The following CPED1 variants were observed in gnomAD, a reference collection of about 807,000 sequenced individuals.
CPED1 encodes cadherin-like and PC-esterase domain-containing protein 1.
A neutral mutation model predicts 128.2 loss-of-function variants in CPED1; 114 were observed. That is an observed-to-expected ratio of 0.89 (90% CI 0.76 to 1.04). The LOEUF is 1.04. Ranked by LOEUF, CPED1 falls within the 50% of genes least tolerant of loss-of-function variation. The probability of loss-of-function intolerance (pLI) is 0.00; values close to 1 mark genes in which losing one functional copy is unlikely to be tolerated. For missense variants in CPED1, 1,211 were observed against 1,207.1 expected (o/e 1.00, Z -0.05); for synonymous variants, 462 against 426.7 (o/e 1.08, Z -1.02).
At chr7:121,115,241 C>T (rs1163353489) in intron 7 of CPED1, among the ~76,000 whole-genome samples, 2 of 152,072 alleles carry the variant, frequency 1.3e-5, no homozygotes, top group South Asian at 2.1e-4. Context: ...TTAAATTATG[C>T]ATAATTAAGC....
intron 16 of CPED1, among the ~76,000 whole-genome samples, chr7:121,210,527 CAT>C (rs1347899190): frequency 6.6e-6 from 1 of 151,960 alleles, no homozygotes; most frequent in African/African-American, 2.4e-5. Flanking sequence ...AAATGGAAGA[CAT>C]TATGCAAAAT....
Position 121,055,417 on chromosome 7 carries a change from T to C in CPED1, c.540+8424T>C, listed in dbSNP as rs555716895. On this transcript the variant is annotated intron_variant, in intron 4 of 22. Transcript: ENST00000310396. ...GTTACTTTACAGTAAATTAATTTTT[T>C]AATCTTTCTGTAAGCATATCATTTA... 1.3e-4 allele frequency among the ~76,000 whole-genome samples: 20 copies of C among 152,082 alleles called. No homozygotes were observed. In the South Asian group the frequency reaches 4.1e-3, roughly 31 times the overall value.
At chr7:121,093,144 A>G (rs1794612118) in intron 5 of CPED1, among the ~76,000 whole-genome samples, 1 of 152,036 alleles carries the variant, frequency 6.6e-6, no homozygotes, top group Non-Finnish European at 1.5e-5. Flanking sequence ...ATTTCTACCT[A>G]CTGACATTCT....
chr7:121,294,027 T>C lies in CPED1; in HGVS notation c.2869-1413T>C, dbSNP rs138196610. Among the ~76,000 whole-genome samples the C allele has an allele frequency of 2.1e-3, 323 of 152,158 alleles. 1 individual carries two copies. Among genetic ancestry groups the C allele is most frequent in the African/African-American group, 7.4e-3 (309 of 41,498 alleles). Reference sequence around the variant, plus strand: ...ACATCCTTACCAGTACTTTTTCTCCTTCCCTTCCTCTCTTTTTCTACTTCC... The same window carrying C: ...ACATCCTTACCAGTACTTTTTCTCCCTCCCTTCCTCTCTTTTTCTACTTCC... On this transcript the variant is annotated intron_variant, in intron 22 of 22. Transcript: ENST00000310396.
chr7:121,108,876 TAA>T (rs112898694), intron 7 of CPED1, among the ~76,000 whole-genome samples: 50 of 152,160 alleles, frequency 3.3e-4, no homozygotes, highest in African/African-American at 1.1e-3. Context: ...GCCCAAAAAT[TAA>T]GACCTAAACT....
At chr7:121,166,699 T>C (rs1394837022) in intron 16 of CPED1, among the ~76,000 whole-genome samples, 1 of 152,190 alleles carries the variant, frequency 6.6e-6, no homozygotes, top group Non-Finnish European at 1.5e-5. Flanking sequence ...TTTGGAGTAA[T>C]GCTGTTTTTC....
chr7:121,250,178 T>C (rs1214190885), intron 18 of CPED1, among the ~76,000 whole-genome samples: 2 of 151,998 alleles, frequency 1.3e-5, no homozygotes, highest in African/African-American at 2.4e-5. Flanking sequence ...CACTCAAAAC[T>C]GCTCAACTAC....
chr7:121,028,462 C>T (rs111387912), intron 3 of CPED1, among the ~76,000 whole-genome samples: 2 of 152,264 alleles, frequency 1.3e-5, no homozygotes, highest in Admixed American at 1.3e-4. Context: ...ACGCTGAACC[C>T]ATTAATTATG....
chr7:121,125,942 C>G lies in CPED1; in HGVS notation c.1134+50C>G, dbSNP rs1328704150. The G allele has an allele frequency of 5.5e-6, 7 of 1,271,466 alleles. No individual in the cohort carries two copies. In the South Asian group the frequency reaches 8.4e-5, roughly 15 times the overall value. 78.8% of individuals were successfully genotyped at this position (1,271,466 alleles called of 1,614,324 possible). Reference sequence around the variant, plus strand: ...GAGCTTCTACCTTGTGGTGAGAGATCAGTGTGTGTGTGTTGTTGTTGTTGT... The same window carrying G: ...GAGCTTCTACCTTGTGGTGAGAGATGAGTGTGTGTGTGTTGTTGTTGTTGT... On this transcript the variant is annotated intron_variant, in intron 9 of 22. Transcript: ENST00000310396.
chr7:121,136,025 TC>T lies in CPED1; in HGVS notation c.1649-14del, dbSNP rs1261448067. The T allele has an allele frequency of 2.7e-6, 4 of 1,490,576 alleles. No homozygotes were observed. The highest frequency in any genetic ancestry group is 1.3e-5 in the South Asian group (1 of 76,520). The allele number at this position is 1,490,576 out of a possible 1,614,324, so 92.3% of individuals were successfully genotyped here. On this transcript the variant is annotated splice_polypyrimidine_tract_variant and intron_variant, in intron 13 of 22. Coordinates refer to ENST00000310396, the MANE Select transcript of CPED1 (RefSeq NM_024913.5). ...ATGGTTTTTATTTTAAATTTACATTTCTTTTTTTTTTTAGCTGCAGTTCCAC... is the reference window on the plus strand; with the variant it reads ...ATGGTTTTTATTTTAAATTTACATTTTTTTTTTTTTTAGCTGCAGTTCCAC...
chr7:121,261,687 T>G lies in CPED1; in HGVS notation c.2311-4540T>G, dbSNP rs892353306. ...AGCCGTAATTGAAGACACAATCCAG[T>G]CATCCTGGGACCCTAAATGACCTCC... On this transcript the variant is annotated intron_variant, in intron 18 of 22. Transcript: ENST00000310396. The G allele has an allele frequency of 2.5e-6, 4 of 1,610,226 alleles. No homozygotes were observed. The African/African-American group carries it at 5.3e-5, about 22-fold the overall frequency.
At chr7:121,050,715 C>G (rs531075068) in intron 4 of CPED1, 12 of 427,844 alleles carry the variant, frequency 2.8e-5, no homozygotes, top group African/African-American at 2.4e-4. Context: ...TCCACCGCCT[C>G]GGCCTCCCAA....
At chr7:121,118,386 C>A (rs540620279) in intron 7 of CPED1, among the ~76,000 whole-genome samples, 3 of 151,906 alleles carry the variant, frequency 2.0e-5, no homozygotes, top group South Asian at 4.2e-4. Flanking sequence ...CATGGTGAAA[C>A]CTGTCTCTAC....
At chr7:121,122,111 T>C (rs1795404846) in intron 7 of CPED1, among the ~76,000 whole-genome samples, 1 of 150,640 alleles carries the variant, frequency 6.6e-6, no homozygotes, top group East Asian at 2.0e-4. Flanking sequence ...ACTGAATGAA[T>C]TAAAAAGAAG....
intron 5 of CPED1, among the ~76,000 whole-genome samples, chr7:121,073,959 T>G (rs1426914050): frequency 6.6e-6 from 1 of 152,148 alleles, no homozygotes; most frequent in Non-Finnish European, 1.5e-5. Context: ...TTCATGGCTT[T>G]TTCTATAGCA....
At chr7:121,005,396 A>G (rs777202061) in intron 2 of CPED1, among the ~76,000 whole-genome samples, 1 of 150,592 alleles carries the variant, frequency 6.6e-6, no homozygotes, top group Non-Finnish European at 1.5e-5. Flanking sequence ...ACACATGTGC[A>G]TGTGTCTTTT....
intron 4 of CPED1, chr7:121,050,749 C>A: frequency 2.2e-6 from 1 of 451,988 alleles, no homozygotes; most frequent in Non-Finnish European, 4.4e-6. Context: ...TAGGTGTGAG[C>A]CACCGTGCCC....
At chr7:121,011,276 G>A (rs572852824) in intron 2 of CPED1, among the ~76,000 whole-genome samples, 5 of 151,858 alleles carry the variant, frequency 3.3e-5, no homozygotes, top group Admixed American at 1.3e-4. Flanking sequence ...TTGGCTTCAC[G>A]GTAAGTCTTA....
At chr7:121,027,742 G>GTAA (rs10682627) in intron 3 of CPED1, among the ~76,000 whole-genome samples, 34,677 of 143,308 alleles carry the variant, frequency 0.24, 4,227 homozygotes, top group East Asian at 0.36. Context: ...ATAACCTTTA[G>GTAA]TAATAATAAT....
Sources: allele counts gnomAD v4.1 joint callset (sites outside exome capture counted in the v4.1 genomes callset), GRCh38; gene constraint gnomAD v4.1.1; transcripts MANE v1.5; gene names NCBI Gene and HGNC (gene_info 2026-07-23, HGNC 2026-07-21).